The following H4C9 variants were observed in gnomAD, a reference collection of about 807,000 sequenced individuals.
H4C9 encodes H4 clustered histone 9.
Under a neutral mutation model 4.3 loss-of-function variants are expected in H4C9, and 3 were observed. The ratio of observed to expected loss-of-function variants is 0.70; its 90% confidence interval spans 0.32 to 1.82. H4C9 has a LOEUF of 1.82. H4C9 is among the 40% of genes most tolerant of loss of function. The probability of loss-of-function intolerance (pLI) is 0.08; values close to 1 mark genes in which losing one functional copy is unlikely to be tolerated. For missense variants in H4C9, 166 were observed against 158.3 expected, an observed-to-expected ratio of 1.05 and a Z score of -0.26; for synonymous variants, 83 against 64.8, an observed-to-expected ratio of 1.28 and a Z score of -1.35.
chr6:27,139,509 C>T lies in H4C9; in HGVS notation c.201C>T (p.Ile67=). 1 of 1,611,006 alleles carries T rather than the reference C, an allele frequency of 6.2e-7. No individual in the cohort carries two copies. Residue 67 remains isoleucine, a synonymous_variant, in exon 1 of 1, where the codon ATC becomes ATT. Transcript: ENST00000615353. ...GVLKVFLENV[I]RDAVTYTEHA... is the part of the protein sequence containing the mutation. ...TGAAGGTGTTCCTGGAGAACGTGATCCGGGACGCCGTGACCTACACGGAGC... is the reference window on the plus strand; with the variant it reads ...TGAAGGTGTTCCTGGAGAACGTGATTCGGGACGCCGTGACCTACACGGAGC...
rs780353227 is a variant in H4C9 at position 27,139,563 on chromosome 6, G to A, written c.255G>A (p.Met85Ile). 6.2e-7 allele frequency: 1 copy of A among 1,614,122 alleles called. No homozygotes were observed. Among genetic ancestry groups the A allele is most frequent in the Non-Finnish European group, 8.5e-7 (1 of 1,179,990 alleles). The stretch of plus-strand genomic sequence containing the variant: ...CCAAGCGCAAGACGGTCACCGCCAT[G>A]GACGTGGTCTACGCGCTCAAGCGCC... ...EHAKRKTVTA[M>I]DVVYALKRQG... The change falls in exon 1 of 1, where the codon ATG (methionine) becomes ATA (isoleucine). Residue 85 changes from methionine (M) to isoleucine (I), a missense_variant. Met to Ile is a conservative substitution (Grantham distance 10, BLOSUM62 1). Transcript: ENST00000615353.
chr6:27,139,629 T>A lies in H4C9; in HGVS notation c.*9T>A. The A allele has an allele frequency of 6.2e-7, 1 of 1,601,924 alleles. No homozygotes were observed. The highest frequency in any genetic ancestry group is 8.5e-7 in the Non-Finnish European group (1 of 1,173,984). ...ATGGCTTCGGCGGCTAAATGGCATTTTGAAGCCCAGTCATTCTCTAAAAAG... is the reference window on the plus strand; with the variant it reads ...ATGGCTTCGGCGGCTAAATGGCATTATGAAGCCCAGTCATTCTCTAAAAAG... On this transcript the variant is annotated 3_prime_UTR_variant, in exon 1 of 1. Transcript: ENST00000615353.
At position 27,139,642 on chromosome 6, in the gene H4C9, A is replaced by C; in HGVS notation, c.*22A>C. 1 of 1,587,936 alleles carries C rather than the reference A, an allele frequency of 6.3e-7. No individual in the cohort carries two copies. Among genetic ancestry groups the C allele is most frequent in the South Asian group, 1.2e-5 (1 of 86,484 alleles). The stretch of plus-strand genomic sequence containing the variant: ...CTAAATGGCATTTTGAAGCCCAGTC[A>C]TTCTCTAAAAAGGCCCTTTTTAGGG... On this transcript the variant is annotated 3_prime_UTR_variant, in exon 1 of 1. Transcript: ENST00000615353.
rs1336271480 is a variant in H4C9 at position 27,139,408 on chromosome 6, G to GGATA, written c.100_101insGATA (p.Ala34GlyfsTer21). 1 of 1,614,246 alleles carries GGATA rather than the reference G, an allele frequency of 6.2e-7. No individual in the cohort carries two copies. Among genetic ancestry groups the GGATA allele is most frequent in the East Asian group, 2.2e-5 (1 of 44,868 alleles). Reference sequence around the variant, plus strand: ...CAACATCCAGGGTATCACCAAGCCAGCCATTCGGCGCCTTGCTCGCCGCGG... The same window carrying GGATA: ...CAACATCCAGGGTATCACCAAGCCAGGATACCATTCGGCGCCTTGCTCGCCGCGG... On this transcript the variant is annotated frameshift_variant, in exon 1 of 1. Coordinates refer to ENST00000615353, the MANE Select transcript of H4C9 (RefSeq NM_003495.3). LOFTEE classifies it high-confidence loss of function.
Sources: allele counts gnomAD v4.1 joint callset, GRCh38; gene constraint gnomAD v4.1.1; transcripts MANE v1.5; gene names NCBI Gene and HGNC (gene_info 2026-07-23, HGNC 2026-07-21).